KAZN: variants seen among roughly 807,000 people sequenced by gnomAD.
KAZN encodes the protein kazrin.
KAZN carries 40 observed loss-of-function variants against 87.4 expected under a neutral mutation model. The observed-to-expected ratio is 0.46, with a 90% CI of 0.36 to 0.60. KAZN has a LOEUF of 0.60. Among genes scored for constraint, KAZN ranks in the 20% least tolerant of loss-of-function variants. The pLI is 0.00. For synonymous variants in KAZN, 466 were observed against 458.3 expected (o/e 1.02, Z -0.22); for missense variants, 898 against 1,073.9 (o/e 0.84, Z 2.29).
chr1:14,177,912 G>GA (rs1646118639), intron 1 of KAZN, among the ~76,000 whole-genome samples: 1 of 151,826 alleles, frequency 6.6e-6, no homozygotes, highest in Non-Finnish European at 1.5e-5. Flanking sequence ...ATCAAATATG[G>GA]AAAAAAATTG....
intron 2 of KAZN, among the ~76,000 whole-genome samples, chr1:14,570,226 C>T (rs1240523003): frequency 6.6e-6 from 1 of 152,182 alleles, no homozygotes; most frequent in Non-Finnish European, 1.5e-5. Flanking sequence ...CATTCCTCAG[C>T]TTTTGTGTTG....
chr1:14,101,082 G>A (rs749895858), intron 1 of KAZN, among the ~76,000 whole-genome samples: 198 of 152,208 alleles, frequency 1.3e-3, no homozygotes, highest in Non-Finnish European at 2.4e-3. Context: ...TAAATTACCC[G>A]GTCTCGGGTA....
intron 2 of KAZN, among the ~76,000 whole-genome samples, chr1:14,573,767 T>A (rs1675012246): frequency 6.6e-6 from 1 of 151,976 alleles, no homozygotes; most frequent in African/African-American, 2.4e-5. Context: ...ATTCTCAGGC[T>A]TTTTTTTACT....
rs112343120 is a variant in KAZN, at chr1:14,200,539, G to A, written c.249+19947G>A. Among the ~76,000 whole-genome samples the A allele has an allele frequency of 9.9e-3, 1,509 of 152,184 alleles. 12 individuals are homozygous for A. The highest frequency in any genetic ancestry group is 0.017 in the South Asian group (82 of 4,806). On this transcript the variant is annotated intron_variant, in intron 2 of 16. Coordinates refer to the KAZN transcript ENST00000636203. Reference sequence around the variant, plus strand: ...GTCTCCTAAAAGGGCAGCAAATTTGGATTGAGCCCAGTTTGTTTCTGCATA... The same window carrying A: ...GTCTCCTAAAAGGGCAGCAAATTTGAATTGAGCCCAGTTTGTTTCTGCATA...
intron 2 of KAZN, among the ~76,000 whole-genome samples, chr1:14,476,504 G>C (rs551323887): frequency 6.6e-5 from 10 of 152,172 alleles, no homozygotes; most frequent in Admixed American, 1.3e-4. Context: ...ATTTCTATCA[G>C]AAGACAGACA....
intron 1 of KAZN, among the ~76,000 whole-genome samples, chr1:14,085,857 T>C (rs1643837805): frequency 1.3e-5 from 2 of 152,212 alleles, no homozygotes; most frequent in African/African-American, 4.8e-5. Flanking sequence ...TGACTAACAT[T>C]TTGCATTCTC....
chr1:15,067,510 G>A (rs549462833), intron 8 of KAZN: 851 of 985,422 alleles, frequency 8.6e-4, no homozygotes, highest in Non-Finnish European at 9.7e-4. Context: ...GCTTCTGCTC[G>A]TCCTTAACAA....
Position 14,263,004 on chromosome 1 carries a change from C to T in KAZN, c.249+82412C>T, listed in dbSNP as rs111736402. Among the ~76,000 whole-genome samples the T allele has an allele frequency of 3.0e-3, 460 of 152,248 alleles. 1 individual carries two copies. The highest frequency in any genetic ancestry group is 0.01 in the African/African-American group (433 of 41,548). On this transcript the variant is annotated intron_variant, in intron 2 of 16. Transcript: ENST00000636203. ...TTTATTTCTAAGTCAAATCATGTGGCGTGCATGCGTGTATATCCATTTTCC... is the reference window on the plus strand; with the variant it reads ...TTTATTTCTAAGTCAAATCATGTGGTGTGCATGCGTGTATATCCATTTTCC...
chr1:14,937,396 C>T (rs1007162156), intron 1 of KAZN, among the ~76,000 whole-genome samples: 4 of 152,202 alleles, frequency 2.6e-5, no homozygotes, highest in Admixed American at 2.0e-4. Flanking sequence ...CTTTCCCTTC[C>T]CCCTCCATCT....
At chr1:14,285,084 T>A (rs1653134166) in intron 2 of KAZN, among the ~76,000 whole-genome samples, 1 of 152,166 alleles carries the variant, frequency 6.6e-6, no homozygotes, top group Non-Finnish European at 1.5e-5. Context: ...CAGGTCTCCA[T>A]CTAAATCCAC....
chr1:14,230,299 A>G (rs1221869861), intron 2 of KAZN, among the ~76,000 whole-genome samples: 1 of 152,214 alleles, frequency 6.6e-6, no homozygotes, highest in Non-Finnish European at 1.5e-5. Context: ...CAAAAAACTA[A>G]TAACACTTGA....
At chr1:13,975,706 A>G (rs2101060844) in intron 1 of KAZN, among the ~76,000 whole-genome samples, 1 of 152,308 alleles carries the variant, frequency 6.6e-6, no homozygotes, top group Non-Finnish European at 1.5e-5. Flanking sequence ...TATTGACTCA[A>G]TTGTCTCCCC....
Position 14,010,463 on chromosome 1 carries a change from C to T in KAZN, c.91+116707C>T, listed in dbSNP as rs138438460. The stretch of plus-strand genomic sequence containing the variant: ...AAAGGATGCCAGCGATGAAGCAGTC[C>T]GGTATGGGAGGTGGGAGGGGTTCAG... On this transcript the variant is annotated intron_variant, in intron 1 of 16. Coordinates refer to the KAZN transcript ENST00000636203. 8.3e-3 allele frequency among the ~76,000 whole-genome samples: 1,261 copies of T among 152,198 alleles called. 24 individuals carry two copies. Among genetic ancestry groups the T allele is most frequent in the African/African-American group, 0.029 (1,217 of 41,520 alleles).
At chr1:13,921,405 C>T (rs1640063019) in intron 1 of KAZN, among the ~76,000 whole-genome samples, 1 of 152,144 alleles carries the variant, frequency 6.6e-6, no homozygotes, top group African/African-American at 2.4e-5. Context: ...AATATGCAAG[C>T]AAATGAATGT....
At chr1:13,933,361 G>A (rs566562100) in intron 1 of KAZN, among the ~76,000 whole-genome samples, 3 of 152,094 alleles carry the variant, frequency 2.0e-5, no homozygotes, top group African/African-American at 7.2e-5. Flanking sequence ...GCGTGGTGGC[G>A]CATGACTGTA....
intron 1 of KAZN, among the ~76,000 whole-genome samples, chr1:14,740,332 G>A (rs1644052849): frequency 6.6e-6 from 1 of 152,186 alleles, no homozygotes; most frequent in South Asian, 2.1e-4. Context: ...AGAAAACTTG[G>A]TGGAGGGAGT....
chr1:14,187,993 A>G (rs1352885101), intron 2 of KAZN, among the ~76,000 whole-genome samples: 1 of 152,158 alleles, frequency 6.6e-6, no homozygotes, highest in Non-Finnish European at 1.5e-5. Context: ...AGATGAAAGG[A>G]GTAATCCTTG....
At position 14,911,696 on chromosome 1, in the gene KAZN, G is replaced by C. The variant is rs531677744; in HGVS notation, c.227-48988G>C. ...GTGCCCAGGGCCACAGGATGGCTCA[G>C]TGGGCAAGCCTGTACCTGACTGGTC... On this transcript the variant is annotated intron_variant, in intron 1 of 14. Coordinates refer to ENST00000376030, the MANE Select transcript of KAZN (RefSeq NM_201628.3). 1.6e-3 allele frequency among the ~76,000 whole-genome samples: 242 copies of C among 152,280 alleles called. 2 individuals are homozygous for C. The highest frequency in any genetic ancestry group is 5.7e-3 in the African/African-American group (236 of 41,556).
intron 1 of KAZN, among the ~76,000 whole-genome samples, chr1:14,880,522 G>C (rs2101096796): frequency 6.6e-6 from 1 of 152,288 alleles, no homozygotes; most frequent in South Asian, 2.1e-4. Flanking sequence ...GCTTGTTTCT[G>C]TTCCATGATG....
Sources: gnomAD v4.1 joint callset for allele counts (sites outside exome capture counted in the v4.1 genomes callset) on GRCh38, gnomAD v4.1.1 for gene constraint, MANE v1.5 for transcripts, NCBI Gene and HGNC (gene_info 2026-07-23, HGNC 2026-07-21) for gene names.